Variants in HSPG2 observed in about 807,000 individuals in gnomAD.
HSPG2 encodes heparan sulfate proteoglycan 2.
In HSPG2, 278 loss-of-function variants were observed where a neutral mutation model predicts 526.6. The ratio of observed to expected loss-of-function variants is 0.53; its 90% CI spans 0.48 to 0.58. HSPG2 has a LOEUF of 0.58. Among genes scored for constraint, HSPG2 ranks in the 20% least tolerant of loss-of-function variants. HSPG2 has a pLI of 0.00. For synonymous variants in HSPG2, 2,465 were observed against 2,555.4 expected, an observed-to-expected ratio of 0.96 and a Z score of 1.07; for missense variants, 5,354 against 6,099.5, an observed-to-expected ratio of 0.88 and a Z score of 4.07.
In HSPG2 at chr1:21,885,359, C is replaced by T. The variant is rs1300325727; in HGVS notation, c.1171G>A (p.Glu391Lys). 6.8e-6 allele frequency: 11 copies of T among 1,614,018 alleles called. No individual in the cohort carries two copies. Among genetic ancestry groups the T allele is most frequent in the Non-Finnish European group, 9.3e-6 (11 of 1,180,036 alleles). ...CIPASFHCDEESDCPDRSDEF... is the reference protein window; with the variant it reads ...CIPASFHCDEKSDCPDRSDEF... ...TCGCTCCGGTCAGGACAGTCGCTCT[C>T]CTCGTCACAGTGGAAGCTGGCTGGG... The change falls in exon 10 of 97, where the codon GAG becomes AAG. Residue 391 changes from glutamate to lysine, a missense_variant. Glu to Lys is a moderately conservative substitution (Grantham distance 56). Coordinates refer to ENST00000374695, the MANE Select transcript of HSPG2 (RefSeq NM_005529.7).
rs778653296 is a variant in HSPG2, at chr1:21,851,790, C to A, written c.7006+1G>T. On this transcript the variant is annotated splice_donor_variant, in intron 54 of 96. Transcript: ENST00000374695. LOFTEE classifies it high-confidence loss of function. Reference sequence around the variant, plus strand: ...CAGCCCAGCCTGGTGGCCCCACTCACGGTAGGCTAAGTTGGCCCCCTGGGT... The same window carrying A: ...CAGCCCAGCCTGGTGGCCCCACTCAAGGTAGGCTAAGTTGGCCCCCTGGGT... The A allele has an allele frequency of 1.2e-6, 2 of 1,613,948 alleles. No individual in the cohort carries two copies. Among genetic ancestry groups the A allele is most frequent in the Non-Finnish European group, 1.7e-6 (2 of 1,180,026 alleles).
chr1:21,874,773 C>T, intron 26 of HSPG2, 44 bp from the exon 27 acceptor site: 2 of 1,544,272 alleles, frequency 1.3e-6, no homozygotes, highest in South Asian at 1.2e-5. Flanking sequence ...CCGAACACGG[C>T]CCATTCAGGT....
At chr1:21,845,903 C>A (rs114467791) in intron 64 of HSPG2, among the ~76,000 whole-genome samples, 1 of 152,182 alleles carries the variant, frequency 6.6e-6, no homozygotes, top group African/African-American at 2.4e-5. Context: ...CCTATGCTCG[C>A]AAGCCGTGGA....
Position 21,872,405 on chromosome 1 carries a change from A to G in HSPG2, c.4030-28T>C, listed in dbSNP as rs757561037. The G allele has an allele frequency of 3.2e-6, 5 of 1,543,386 alleles. No individual in the cohort carries two copies. The East Asian group carries it at 1.2e-4, about 37-fold the overall frequency. ...GGCAGGGGAAAAAGGAGGGGGCGTC[A>G]GCCTGAGCACCGGGGTGCCTTGGTG... is the stretch of plus-strand genomic sequence containing the variant. On this transcript the variant is annotated intron_variant, in intron 32 of 96. Coordinates refer to ENST00000374695, the MANE Select transcript of HSPG2 (RefSeq NM_005529.7). This position sits in a 1 kb window ranked among gnomAD's most constrained non-coding sequence, Gnocchi z 5.5.
At chr1:21,825,105 T>G in intron 91 of HSPG2, 1 of 402,944 alleles carries the variant, frequency 2.5e-6, no homozygotes, top group South Asian at 2.3e-5. Flanking sequence ...CTGCAAATAT[T>G]TCAAAATATC....
At position 21,822,244 on chromosome 1, in the gene HSPG2, T is replaced by G; in HGVS notation, c.*1072A>C. The G allele has an allele frequency of 3.1e-6, 5 of 1,604,994 alleles. No homozygotes were observed. The highest frequency in any genetic ancestry group is 4.3e-6 in the Non-Finnish European group (5 of 1,171,796). On this transcript the variant is annotated 3_prime_UTR_variant, in exon 97 of 97. Transcript: ENST00000374695. Reference sequence around the variant, plus strand: ...CCTCATCAAAGACTCAGGAGGCCCCTGGCGGGGATAGCACCGTTTATTAAG... The same window carrying G: ...CCTCATCAAAGACTCAGGAGGCCCCGGGCGGGGATAGCACCGTTTATTAAG...
chr1:21,934,284 G>A (rs946958435), intron 1 of HSPG2, among the ~76,000 whole-genome samples: 3 of 152,244 alleles, frequency 2.0e-5, no homozygotes, highest in Admixed American at 6.5e-5. Context: ...GCAGATGAGA[G>A]CAAGGGTAGC....
chr1:21,870,971 G>T, intron 33 of HSPG2: 1 of 695,994 alleles, frequency 1.4e-6, no homozygotes, highest in Non-Finnish European at 1.8e-6. Flanking sequence ...AACCCCAGAA[G>T]GGAGAGGGGA....
Position 21,836,802 on chromosome 1 carries a change from C to T in HSPG2, c.10355G>A (p.Arg3452Gln), listed in dbSNP as rs1327754652. Residue 3452 changes from arginine (R) to glutamine (Q), a missense_variant and splice_region_variant, in exon 75 of 97, where the codon CGA becomes CAA. Physicochemically the swap from Arg to Gln is conservative, Grantham distance 43 (BLOSUM62 1). Coordinates refer to ENST00000374695, the MANE Select transcript of HSPG2 (RefSeq NM_005529.7). ...PGHSVQDGVL[R>Q]IQNLDQSCQG... ...CAGTCCTGCCCCCGGCCCCACTCAC[C>T]GGAGCACCCCATCCTGCACGCTGTG... 32 of 1,555,946 alleles carry T rather than the reference C, an allele frequency of 2.1e-5. No individual in the cohort carries two copies. The highest frequency in any genetic ancestry group is 2.7e-5 in the Non-Finnish European group (31 of 1,154,742).
In HSPG2 at chr1:21,888,086, A is replaced by C. The variant is rs767081596; in HGVS notation, c.575-20T>G. 1.4e-5 allele frequency: 23 copies of C among 1,613,770 alleles called. No individual in the cohort carries two copies. The South Asian group carries it at 2.2e-4, about 15-fold the overall frequency. ...GGGGCACTGCAGGTGGAAAGGAAGC[A>C]GACTGGAGTCAGAGGCGGCAGGAGG... is the stretch of plus-strand genomic sequence containing the variant. On this transcript the variant is annotated intron_variant, in intron 6 of 96. Coordinates refer to ENST00000374695, the MANE Select transcript of HSPG2 (RefSeq NM_005529.7).
At chr1:21,889,130 G>A (rs1642166292) in intron 6 of HSPG2, among the ~76,000 whole-genome samples, 1 of 152,156 alleles carries the variant, frequency 6.6e-6, no homozygotes, top group Non-Finnish European at 1.5e-5. Flanking sequence ...TGGTTTCACT[G>A]TCTTTTCCTA....
intron 1 of HSPG2, among the ~76,000 whole-genome samples, chr1:21,901,219 G>A (rs1009498382): frequency 6.6e-6 from 1 of 152,092 alleles, no homozygotes; most frequent in Non-Finnish European, 1.5e-5. Flanking sequence ...AGAATCGGCT[G>A]GGTAAATGGG....
At chr1:21,891,846 A>T (rs1390154759) in intron 3 of HSPG2, among the ~76,000 whole-genome samples, 1 of 152,202 alleles carries the variant, frequency 6.6e-6, no homozygotes, top group Non-Finnish European at 1.5e-5. Context: ...CCTGGGCTCA[A>T]GCAATCCTCT....
At chr1:21,908,247 A>C (rs1377187168) in intron 1 of HSPG2, 1 of 1,010,108 alleles carries the variant, frequency 9.9e-7, no homozygotes. Flanking sequence ...CTGTTCAAAA[A>C]GGAACGCCCC....
intron 13 of HSPG2, among the ~76,000 whole-genome samples, chr1:21,881,714 G>T (rs996819254): frequency 1.3e-5 from 2 of 151,982 alleles, no homozygotes; most frequent in Non-Finnish European, 2.9e-5. Context: ...AGGCTGAGGC[G>T]GGCAGATCAC....
intron 85 of HSPG2, chr1:21,830,716 G>A (rs2097999471): frequency 2.6e-6 from 1 of 389,508 alleles, no homozygotes. Flanking sequence ...AAAAAAAGAT[G>A]GGCTGGGGGT....
intron 1 of HSPG2, among the ~76,000 whole-genome samples, chr1:21,934,054 G>C (rs573474730): frequency 1.3e-5 from 2 of 152,282 alleles, no homozygotes; most frequent in South Asian, 2.1e-4. Flanking sequence ...AAAGGGGTCA[G>C]CAGGCCAAGG....
chr1:21,889,826 C>A, intron 6 of HSPG2, 155 bp downstream of exon 6: 1 of 797,218 alleles, frequency 1.3e-6, no homozygotes, highest in Admixed American at 2.0e-5. Context: ...TCTACCAAGC[C>A]AAGATTGTGT....
intron 55 of HSPG2, 57 bp from the exon 56 acceptor site, chr1:21,850,555 C>T (rs1031558449): frequency 1.3e-4 from 199 of 1,501,364 alleles, no homozygotes; most frequent in Non-Finnish European, 1.6e-4. Flanking sequence ...GTTCCTATAA[C>T]CTGCAACCCT....
Sources: allele counts gnomAD v4.1 joint callset (sites outside exome capture counted in the v4.1 genomes callset), GRCh38; gene constraint gnomAD v4.1.1; non-coding constraint Gnocchi (gnomAD v3.1); transcripts MANE v1.5; gene names NCBI Gene and HGNC (gene_info 2026-07-23, HGNC 2026-07-21).